The following EXPH5 variants were observed in gnomAD, a reference collection of about 807,000 sequenced individuals.
EXPH5 encodes the protein exophilin-5.
In EXPH5, 42 loss-of-function variants were observed where a neutral mutation model predicts 41.1. That is an observed-to-expected ratio of 1.02 (90% CI 0.80 to 1.32). The LOEUF (loss-of-function observed/expected upper bound fraction) is 1.32, where lower values mean the gene tolerates loss of function less well. Among genes scored for constraint, EXPH5 ranks in the 40% most tolerant of loss-of-function variants. The pLI, the probability that EXPH5 is intolerant of heterozygous loss-of-function variation, is 0.00. For synonymous variants in EXPH5, 798 were observed against 833.5 expected (o/e 0.96, Z 0.73); for missense variants, 2,298 against 2,314.5 (o/e 0.99, Z 0.15).
At chr11:108,544,062 T>C (rs998195187) in intron 1 of EXPH5, among the ~76,000 whole-genome samples, 2 of 152,200 alleles carry the variant, frequency 1.3e-5, no homozygotes, top group Non-Finnish European at 2.9e-5. Flanking sequence ...CCTTTTCTGT[T>C]TCTGAAAACA....
chr11:108,603,995 T>A, the EXPH5 span, among the ~76,000 whole-genome samples: 1,820 of 152,224 alleles, frequency 0.012, 31 homozygotes, highest in African/African-American at 0.042. Flanking sequence ...AGTTGATATT[T>A]GTTAGAAATG....
chr11:108,512,864 T>G lies in EXPH5; in HGVS notation c.2643A>C (p.Ser881=). Reference sequence around the variant, plus strand: ...ATGGTGAGGAATCTGGTAGTGCAGCTGATGACAGATCTAAAGAATCACACG... The same window carrying G: ...ATGGTGAGGAATCTGGTAGTGCAGCGGATGACAGATCTAAAGAATCACACG... ...KTSCDSLDLS[S]AALPDSSPSK... The change falls in exon 6 of 6, where the codon TCA becomes TCC. Residue 881 remains serine (S), a synonymous_variant. Coordinates refer to ENST00000265843, the MANE Select transcript of EXPH5 (RefSeq NM_015065.3). The G allele has an allele frequency of 6.2e-7, 1 of 1,614,146 alleles. No homozygotes were observed. Among genetic ancestry groups the G allele is most frequent in the Non-Finnish European group, 8.5e-7 (1 of 1,179,962 alleles).
At chr11:108,534,754 T>A (rs900102257) in intron 3 of EXPH5, among the ~76,000 whole-genome samples, 46 of 152,234 alleles carry the variant, frequency 3.0e-4, no homozygotes, top group African/African-American at 1.1e-3. Context: ...AGCTGTTACC[T>A]ATGCAGCTAG....
At chr11:108,578,405 T>A (rs1439269914) in intron 1 of EXPH5, among the ~76,000 whole-genome samples, 2 of 152,230 alleles carry the variant, frequency 1.3e-5, no homozygotes, top group Non-Finnish European at 2.9e-5. Context: ...TCTGTTTTCA[T>A]GCCAGTACCA....
At chr11:108,600,123 G>A in the EXPH5 span, among the ~76,000 whole-genome samples, 3 of 152,134 alleles carry the variant, frequency 2.0e-5, no homozygotes, top group Admixed American at 1.3e-4. Context: ...TACAGAGAGT[G>A]GAAGAAAATT....
intron 3 of EXPH5, 26 bp from the exon 4 acceptor site, chr11:108,528,210 C>T: frequency 6.3e-7 from 1 of 1,582,940 alleles, no homozygotes; most frequent in South Asian, 1.1e-5. Context: ...GAAATGATTT[C>T]TTTGAAGAAG....
chr11:108,591,299 C>T (rs1167513429), intron 1 of EXPH5, among the ~76,000 whole-genome samples: 1 of 152,166 alleles, frequency 6.6e-6, no homozygotes, highest in Non-Finnish European at 1.5e-5. Context: ...GCAGAAGAGG[C>T]AGCCAAGTTG....
chr11:108,568,351 C>T (rs567278556), intron 1 of EXPH5, among the ~76,000 whole-genome samples: 21 of 152,188 alleles, frequency 1.4e-4, no homozygotes, highest in Admixed American at 3.3e-4. Flanking sequence ...CATGGCTGGC[C>T]GGCGTGGTGG....
intron 1 of EXPH5, among the ~76,000 whole-genome samples, chr11:108,559,451 T>A (rs557871015): frequency 1.3e-5 from 2 of 152,326 alleles, no homozygotes; most frequent in East Asian, 3.9e-4. Flanking sequence ...CTAGCACAGC[T>A]GCAAAGCAGG....
chr11:108,597,206 T>C (rs995849783), upstream of EXPH5, among the ~76,000 whole-genome samples: 1 of 152,208 alleles, frequency 6.6e-6, no homozygotes, highest in East Asian at 1.9e-4. Flanking sequence ...TTTTTATTTT[T>C]ATTTTTCTTG....
At chr11:108,600,644 C>T in the EXPH5 span, among the ~76,000 whole-genome samples, 1 of 152,014 alleles carries the variant, frequency 6.6e-6, no homozygotes, top group Non-Finnish European at 1.5e-5. Flanking sequence ...CCAATGAAGG[C>T]CTTCAGAACT....
In EXPH5 at chr11:108,583,603, C is replaced by T. The variant is rs569813700; in HGVS notation, c.119+9815G>A. ...TTGGGAGGCCGAGGCGGGTGGATCA[C>T]TTGAGCCCGGGAGGTGGAGACCAGT... On this transcript the variant is annotated intron_variant, in intron 1 of 5. Transcript: ENST00000265843. 5.9e-5 allele frequency among the ~76,000 whole-genome samples: 9 copies of T among 151,576 alleles called. 1 individual carries two copies. In the East Asian group the frequency reaches 1.4e-3, roughly 23 times the overall value.
chr11:108,559,770 A>G (rs2094004170), intron 1 of EXPH5, among the ~76,000 whole-genome samples: 1 of 152,230 alleles, frequency 6.6e-6, no homozygotes, highest in African/African-American at 2.4e-5. Context: ...AGCCTATGCT[A>G]TTTCATAAAG....
intron 1 of EXPH5, among the ~76,000 whole-genome samples, chr11:108,590,065 T>C (rs2094123770): frequency 6.6e-6 from 1 of 152,244 alleles, no homozygotes; most frequent in Non-Finnish European, 1.5e-5. Flanking sequence ...AATCTCCTAC[T>C]AATGAGAAAT....
rs1250897704 is a variant in EXPH5, at chr11:108,510,758, T to C, written c.4749A>G (p.Val1583=). Residue 1583 remains valine (V), a synonymous_variant, in exon 6 of 6, where the codon GTA becomes GTG. Coordinates refer to ENST00000265843, the MANE Select transcript of EXPH5 (RefSeq NM_015065.3). The stretch of plus-strand genomic sequence containing the variant: ...TAACTGAAGATCTATTTTCCCCCTT[T>C]ACTAGGTCATCCAAGTTGGTTTTAT... The part of the protein sequence containing the change: ...NKNKTNLDDL[V]KGENRSSVKH... The C allele has an allele frequency of 3.1e-6, 5 of 1,614,184 alleles. No homozygotes were observed. Among genetic ancestry groups the C allele is most frequent in the Admixed American group, 1.7e-5 (1 of 60,024 alleles).
intron 1 of EXPH5, among the ~76,000 whole-genome samples, chr11:108,561,424 G>A (rs1043239748): frequency 1.3e-5 from 2 of 152,052 alleles, no homozygotes; most frequent in South Asian, 2.1e-4. Flanking sequence ...CCCAAAAATA[G>A]CACTCGATCA....
In EXPH5 at chr11:108,568,365, C is replaced by T. The variant is rs971478791; in HGVS notation, c.119+25053G>A. On this transcript the variant is annotated intron_variant, in intron 1 of 5. Coordinates refer to ENST00000265843, the MANE Select transcript of EXPH5 (RefSeq NM_015065.3). ...CCATGGCTGGCCGGCGTGGTGGTTC[C>T]TGAGAACCAATCGGTTCCCCCCTCT... is the stretch of plus-strand genomic sequence containing the variant. Among the ~76,000 whole-genome samples the T allele has an allele frequency of 5.3e-5, 8 of 152,218 alleles. No individual in the cohort carries two copies. The East Asian group carries it at 1.6e-3, about 29-fold the overall frequency.
At chr11:108,552,613 T>A (rs1302489923) in intron 1 of EXPH5, among the ~76,000 whole-genome samples, 1 of 152,134 alleles carries the variant, frequency 6.6e-6, no homozygotes, top group African/African-American at 2.4e-5. Flanking sequence ...AAAAGCAATA[T>A]TTTCTGTATT....
At chr11:108,594,754 T>C (rs1054621007), upstream of EXPH5, among the ~76,000 whole-genome samples, 19 of 152,194 alleles carry the variant, frequency 1.2e-4, no homozygotes, top group African/African-American at 4.3e-4. Context: ...CTTCTACATA[T>C]ATCATTTCTT....
Sources: gnomAD v4.1 joint callset for allele counts (sites outside exome capture counted in the v4.1 genomes callset) on GRCh38, gnomAD v4.1.1 for gene constraint, MANE v1.5 for transcripts, NCBI Gene and HGNC (gene_info 2026-07-23, HGNC 2026-07-21) for gene names.